Variants in NIPBL observed in about 807,000 individuals in gnomAD.
The protein encoded by NIPBL is nipped-B-like protein.
In NIPBL, 19 loss-of-function variants were observed where a neutral mutation model predicts 321.8. The ratio of observed to expected loss-of-function variants is 0.06; its 90% CI spans 0.04 to 0.09. The LOEUF (loss-of-function observed/expected upper bound fraction) is 0.09. Ranked by LOEUF, NIPBL falls within the 10% of genes least tolerant of loss-of-function variation. The probability of loss-of-function intolerance (pLI) is 1.00; values close to 1 mark genes in which losing one functional copy is unlikely to be tolerated. For synonymous variants in NIPBL, 1,106 were observed against 1,114.1 expected (o/e 0.99, Z 0.14); for missense variants, 2,210 against 3,327.0 (o/e 0.66, Z 8.26).
intron 33 of NIPBL, among the ~76,000 whole-genome samples, chr5:37,038,135 G>A (rs1751931102): frequency 6.6e-6 from 1 of 151,940 alleles, no homozygotes; most frequent in Non-Finnish European, 1.5e-5. Flanking sequence ...GACTACAAGT[G>A]CACATCACCA....
chr5:36,885,713 G>T, intron 1 of NIPBL: 1 of 588,860 alleles, frequency 1.7e-6, no homozygotes. Flanking sequence ...GTGTGAGACA[G>T]AGCTGGCCAT....
chr5:36,914,089 C>G (rs35042093), intron 1 of NIPBL, among the ~76,000 whole-genome samples: 1 of 152,154 alleles, frequency 6.6e-6, no homozygotes, highest in African/African-American at 2.4e-5. Flanking sequence ...ACGGTGACCA[C>G]CACATGGAAA....
chr5:36,888,865 GC>G (rs1158887916), intron 1 of NIPBL, among the ~76,000 whole-genome samples: 1 of 152,026 alleles, frequency 6.6e-6, no homozygotes, highest in African/African-American at 2.4e-5. Context: ...AACAAAGCAA[GC>G]ATTTTCTTCG....
intron 1 of NIPBL, among the ~76,000 whole-genome samples, chr5:36,948,720 A>C (rs1168757565): frequency 6.6e-6 from 1 of 151,860 alleles, no homozygotes; most frequent in Non-Finnish European, 1.5e-5. Flanking sequence ...TGTATCCAAA[A>C]CTGTTTTTCC....
intron 1 of NIPBL, among the ~76,000 whole-genome samples, chr5:36,901,377 T>C (rs1439470758): frequency 6.6e-6 from 1 of 152,176 alleles, no homozygotes; most frequent in Non-Finnish European, 1.5e-5. Flanking sequence ...TCCATGTCTT[T>C]GCTATTGTGA....
At chr5:37,033,965 C>T (rs1751412876) in intron 32 of NIPBL, among the ~76,000 whole-genome samples, 1 of 151,332 alleles carries the variant, frequency 6.6e-6, no homozygotes, top group Non-Finnish European at 1.5e-5. Context: ...ATACAAGTCA[C>T]AAAATGGGAA....
chr5:36,975,760 C>A lies in NIPBL; in HGVS notation c.869-16C>A. 1 of 1,612,346 alleles carries A rather than the reference C, an allele frequency of 6.2e-7. No homozygotes were observed. The highest frequency in any genetic ancestry group is 8.5e-7 in the Non-Finnish European group (1 of 1,178,958). On this transcript the variant is annotated splice_polypyrimidine_tract_variant and intron_variant, in intron 8 of 46. Coordinates refer to ENST00000282516, the MANE Select transcript of NIPBL (RefSeq NM_133433.4). Reference sequence around the variant, plus strand: ...AAACCACCACAACTGTTACTTCTATCGAATTATTTTTCTAGGCTCAAGACC... The same window carrying A: ...AAACCACCACAACTGTTACTTCTATAGAATTATTTTTCTAGGCTCAAGACC...
chr5:36,969,523 C>A (rs1002481065), intron 6 of NIPBL, among the ~76,000 whole-genome samples: 4 of 152,114 alleles, frequency 2.6e-5, no homozygotes, highest in African/African-American at 7.2e-5. Flanking sequence ...AGAATGATTT[C>A]TTTAATTAAT....
chr5:36,953,806 C>T (rs1561072654), intron 2 of NIPBL, 46 bp downstream of exon 2: 1 of 1,472,122 alleles, frequency 6.8e-7, no homozygotes, highest in East Asian at 2.3e-5. Flanking sequence ...TGTGTGTTAA[C>T]AATAATTTTT....
chr5:36,957,962 G>T, intron 3 of NIPBL, 142 bp from the exon 4 acceptor site: 2 of 723,780 alleles, frequency 2.8e-6, no homozygotes, highest in Non-Finnish European at 4.5e-6. Context: ...CAGCCTGGGG[G>T]ACAAGAGTGA....
In NIPBL at chr5:36,976,388, A is replaced by G; in HGVS notation, c.1481A>G (p.Glu494Gly). Residue 494 changes from glutamate (E) to glycine (G), a missense_variant, in exon 9 of 47, where the codon GAA (glutamate) becomes GGA (glycine). Glu to Gly is a moderately conservative substitution (Grantham distance 98, BLOSUM62 -2). Coordinates refer to ENST00000282516, the MANE Select transcript of NIPBL (RefSeq NM_133433.4). Reference sequence around the variant, plus strand: ...ATTGAAAGGGAGCGCTTCTCAAAAGAAGTTCAAGATAAAGGTAAAATAATC... The same window carrying G: ...ATTGAAAGGGAGCGCTTCTCAAAAGGAGTTCAAGATAAAGGTAAAATAATC... Reference protein sequence around the residue: ...SAIERERFSKEVQDKDKPLKK... With the variant: ...SAIERERFSKGVQDKDKPLKK... 1 of 1,606,982 alleles carries G rather than the reference A, an allele frequency of 6.2e-7. No individual in the cohort carries two copies. Among genetic ancestry groups the G allele is most frequent in the Non-Finnish European group, 8.5e-7 (1 of 1,179,750 alleles).
At chr5:37,034,674 A>G (rs988707329) in intron 32 of NIPBL, among the ~76,000 whole-genome samples, 1 of 152,228 alleles carries the variant, frequency 6.6e-6, no homozygotes, top group African/African-American at 2.4e-5. Context: ...AAAAATATAA[A>G]TAGCATACAG....
rs1744783252 is a variant in NIPBL, at chr5:36,986,230, T to C, written c.3050T>C (p.Ile1017Thr). 6 of 1,585,288 alleles carry C rather than the reference T, an allele frequency of 3.8e-6. No homozygotes were observed. The African/African-American group carries it at 4.1e-5, about 11-fold the overall frequency. The change falls in exon 10 of 47, where the codon ATT (isoleucine) becomes ACT (threonine). Residue 1017 changes from isoleucine to threonine, a missense_variant. By Grantham distance (89) the Ile-to-Thr change is moderately conservative. This residue lies in a region of NIPBL where 381 missense variants were observed against 642.3 expected (regional missense o/e 0.59). Coordinates refer to ENST00000282516, the MANE Select transcript of NIPBL (RefSeq NM_133433.4). The part of the protein sequence containing the change: ...KLSLDDVQKL[I>T]KDREDKSRSS... ...TCTTTGGATGATGTTCAGAAACTTA[T>C]TAAAGATAGAGAGGACAAATCAAGA...
intron 30 of NIPBL, 127 bp downstream of exon 30, chr5:37,024,846 T>G: frequency 1.4e-6 from 1 of 713,800 alleles, no homozygotes; most frequent in Non-Finnish European, 2.2e-6. Flanking sequence ...GTTTATAAAC[T>G]TAAGAAAAAT....
chr5:36,997,281 A>G (rs1369885986), intron 11 of NIPBL, among the ~76,000 whole-genome samples: 1 of 152,174 alleles, frequency 6.6e-6, no homozygotes, highest in African/African-American at 2.4e-5. Flanking sequence ...TTCCAGTTTG[A>G]TTTCAAATGA....
chr5:36,884,369 T>G (rs1488538840), intron 1 of NIPBL, among the ~76,000 whole-genome samples: 1 of 152,194 alleles, frequency 6.6e-6, no homozygotes, highest in Non-Finnish European at 1.5e-5. Context: ...GCATTGACAT[T>G]AACCATGAAA....
chr5:37,017,537 G>T (rs570095925), intron 24 of NIPBL, among the ~76,000 whole-genome samples: 1 of 151,504 alleles, frequency 6.6e-6, no homozygotes, highest in Non-Finnish European at 1.5e-5. Context: ...TACCAAGGAG[G>T]TGTGAGGAGA....
chr5:37,058,774 C>T (rs1754361546), intron 43 of NIPBL, 117 bp from the exon 44 acceptor site: 3 of 835,334 alleles, frequency 3.6e-6, no homozygotes, highest in Non-Finnish European at 5.7e-6. Flanking sequence ...GATATAAAGT[C>T]AAGAGGTTTA....
intron 1 of NIPBL, among the ~76,000 whole-genome samples, chr5:36,881,296 A>ATT (rs70976262): frequency 0.14 from 20,978 of 146,716 alleles, 1,784 homozygotes; most frequent in East Asian, 0.31. Flanking sequence ...CTTGTGTGTA[A>ATT]TTTTTTTTTT....
Sources: gnomAD v4.1 joint callset for allele counts (sites outside exome capture counted in the v4.1 genomes callset) on GRCh38, gnomAD v4.1.1 for gene constraint, gnomAD v4.1.1 regional missense constraint, MANE v1.5 for transcripts, NCBI Gene and HGNC (gene_info 2026-07-23, HGNC 2026-07-21) for gene names.